USP25: variants seen among roughly 807,000 people sequenced by gnomAD.
USP25 encodes ubiquitin carboxyl-terminal hydrolase 25.
Under a neutral mutation model 158.5 loss-of-function variants are expected in USP25, and 85 were observed. The observed-to-expected ratio is 0.54, with a 90% CI of 0.45 to 0.64. The LOEUF (loss-of-function observed/expected upper bound fraction) is 0.64. USP25 is among the 30% of genes least tolerant of loss of function. The probability of loss-of-function intolerance (pLI) is 0.00; values close to 1 mark genes in which losing one functional copy is unlikely to be tolerated. For synonymous variants in USP25, 464 were observed against 460.4 expected (o/e 1.01, Z -0.10); for missense variants, 1,242 against 1,327.3 (o/e 0.94, Z 1.00).
rs755140971 is a variant in USP25, at chr21:15,780,806, G to C, written c.392+2779G>C. Among the ~76,000 whole-genome samples, 3 of 152,250 alleles carry C rather than the reference G, an allele frequency of 2.0e-5. No homozygotes were observed. The South Asian group carries it at 6.2e-4, about 32-fold the overall frequency. Reference sequence around the variant, plus strand: ...TTACTGAGGAAGCAGCTGTGAAGGGGAACTGTCTAAAGATGGTGTGTGAAA... The same window carrying C: ...TTACTGAGGAAGCAGCTGTGAAGGGCAACTGTCTAAAGATGGTGTGTGAAA... On this transcript the variant is annotated intron_variant, in intron 4 of 25. Transcript: ENST00000400183.
rs182510549 is a variant in USP25, at chr21:15,747,455, T to C, written c.46-15436T>C. On this transcript the variant is annotated intron_variant, in intron 1 of 25. Coordinates refer to ENST00000400183, the MANE Select transcript of USP25 (RefSeq NM_001283041.3). ...CTGTGATAAAGTTTAATTTATAAAT[T>C]AGGCACTATATAACTATATAGTACA... Among the ~76,000 whole-genome samples, 388 of 152,022 alleles carry C rather than the reference T, an allele frequency of 2.6e-3. 5 individuals carry two copies. Among genetic ancestry groups the C allele is most frequent in the Middle Eastern group, 0.01 (3 of 292 alleles).
chr21:15,785,495 A>C (rs1202250689), intron 4 of USP25, among the ~76,000 whole-genome samples: 1 of 152,214 alleles, frequency 6.6e-6, no homozygotes, highest in Non-Finnish European at 1.5e-5. Flanking sequence ...CAACTATATA[A>C]AGCTAGAAAT....
chr21:15,826,188 A>G lies in USP25; in HGVS notation c.1305-16A>G, dbSNP rs2037493562. ...TATATAGAAATAAAAGCATTTGTAC[A>G]TTTTATGATTAACAGATATTTAAGC... On this transcript the variant is annotated splice_polypyrimidine_tract_variant and intron_variant, in intron 12 of 25. Coordinates refer to ENST00000400183, the MANE Select transcript of USP25 (RefSeq NM_001283041.3). This position sits in a 1 kb window ranked among gnomAD's most constrained non-coding sequence, Gnocchi z 4.8. 5 of 1,612,916 alleles carry G rather than the reference A, an allele frequency of 3.1e-6. No individual in the cohort carries two copies. The South Asian group carries it at 4.4e-5, about 14-fold the overall frequency.
intron 10 of USP25, among the ~76,000 whole-genome samples, chr21:15,821,039 A>G (rs764532936): frequency 1.6e-4 from 25 of 152,088 alleles, no homozygotes; most frequent in Non-Finnish European, 2.7e-4. Context: ...GATGAGTCAG[A>G]CTCTCCAGGA....
intron 10 of USP25, among the ~76,000 whole-genome samples, chr21:15,822,957 G>A (rs2037307744): frequency 6.6e-6 from 1 of 151,974 alleles, no homozygotes; most frequent in South Asian, 2.1e-4. Flanking sequence ...AAATAGTATT[G>A]AATACCATTT....
chr21:15,834,360 CT>C (rs2037956854), intron 17 of USP25, among the ~76,000 whole-genome samples: 1 of 152,086 alleles, frequency 6.6e-6, no homozygotes, highest in South Asian at 2.1e-4. Context: ...CTCAGAGAAG[CT>C]ATAAATTAAG....
At chr21:15,832,048 A>G (rs1294631105) in intron 16 of USP25, among the ~76,000 whole-genome samples, 6 of 152,204 alleles carry the variant, frequency 3.9e-5, no homozygotes, top group Admixed American at 3.3e-4. Context: ...ACCATTTCAC[A>G]CATTTATGTT....
chr21:15,811,442 G>T (rs1242779404), intron 9 of USP25, among the ~76,000 whole-genome samples: 4 of 152,038 alleles, frequency 2.6e-5, no homozygotes, highest in Non-Finnish European at 1.5e-5. Flanking sequence ...TTATCCTCAT[G>T]TTTTTTCCAG....
Position 15,778,523 on chromosome 21 carries a change from G to A in USP25, c.392+496G>A, listed in dbSNP as rs138514928. Among the ~76,000 whole-genome samples, 381 of 152,162 alleles carry A rather than the reference G, an allele frequency of 2.5e-3. 2 individuals carry two copies. The highest frequency in any genetic ancestry group is 8.8e-3 in the African/African-American group (365 of 41,550). ...TCTTGATTTACAAAGGCAGCCAGTT[G>A]GTTTTGTCCTCTCGGCTGTGGTTTG... is the stretch of plus-strand genomic sequence containing the variant. On this transcript the variant is annotated intron_variant, in intron 4 of 25. Transcript: ENST00000400183.
At position 15,878,444 on chromosome 21, in the gene USP25, C is replaced by G; in HGVS notation, c.3347C>G (p.Ser1116Cys). Residue 1116 changes from serine to cysteine, a missense_variant, in exon 26 of 26, where the codon TCC (serine) becomes TGC (cysteine). Ser to Cys is a moderately radical substitution (Grantham distance 112). Coordinates refer to ENST00000400183, the MANE Select transcript of USP25 (RefSeq NM_001283041.3). ...GAGCGATTTGCCCGAATCATGTTGT[C>G]CCTCAGTCGAACTCCTGCTGATGGA... ...LCERFARIMLSLSRTPADGR is the reference protein window; with the variant it reads ...LCERFARIMLCLSRTPADGR The G allele has an allele frequency of 6.2e-7, 1 of 1,614,022 alleles. No individual in the cohort carries two copies. The highest frequency in any genetic ancestry group is 8.5e-7 in the Non-Finnish European group (1 of 1,179,898).
Position 15,878,622 on chromosome 21 carries a change from T to C in USP25, c.*147T>C. 1 of 766,362 alleles carries C rather than the reference T, an allele frequency of 1.3e-6. No individual in the cohort carries two copies. The highest frequency in any genetic ancestry group is 3.2e-5 in the South Asian group (1 of 31,030). 47.5% of individuals were successfully genotyped at this position (766,362 alleles called of 1,614,324 possible). On this transcript the variant is annotated 3_prime_UTR_variant, in exon 26 of 26. Coordinates refer to ENST00000400183, the MANE Select transcript of USP25 (RefSeq NM_001283041.3). ...AAAAGACAAAATGACTATACAGACT[T>C]TAGTCAGACTGCAGACAATAAAGCT...
chr21:15,769,398 T>C (rs1368436950), intron 3 of USP25, among the ~76,000 whole-genome samples: 6 of 152,136 alleles, frequency 3.9e-5, no homozygotes. Flanking sequence ...TCTGTTGAAT[T>C]CTGGAAAAAA....
intron 1 of USP25, among the ~76,000 whole-genome samples, chr21:15,736,401 C>A (rs2031520963): frequency 6.6e-6 from 1 of 152,084 alleles, no homozygotes; most frequent in South Asian, 2.1e-4. Context: ...TGGATTCAAT[C>A]CAAACTTGTG....
chr21:15,758,772 A>G (rs931257162), intron 1 of USP25, among the ~76,000 whole-genome samples: 1 of 152,154 alleles, frequency 6.6e-6, no homozygotes, highest in Non-Finnish European at 1.5e-5. Context: ...CAGGCAAGAG[A>G]GCATGTGCAG....
intron 12 of USP25, among the ~76,000 whole-genome samples, chr21:15,825,305 A>G (rs965202380): frequency 4.6e-5 from 7 of 152,190 alleles, no homozygotes; most frequent in African/African-American, 1.7e-4. Flanking sequence ...AATAGATACA[A>G]AGTTAAATGA....
chr21:15,859,205 T>C (rs2039302219), intron 20 of USP25, among the ~76,000 whole-genome samples: 1 of 150,070 alleles, frequency 6.7e-6, no homozygotes, highest in Non-Finnish European at 1.5e-5. Flanking sequence ...TTGTGTTTTT[T>C]TTTTTGAGAC....
intron 22 of USP25, 109 bp downstream of exon 22, chr21:15,866,453 A>T (rs553016072): frequency 7.1e-6 from 5 of 705,682 alleles, no homozygotes; most frequent in Admixed American, 6.8e-5. Flanking sequence ...AATGATGAGT[A>T]AAAAAATTAA....
At chr21:15,786,903 A>C (rs538315800) in intron 4 of USP25, among the ~76,000 whole-genome samples, 6 of 152,166 alleles carry the variant, frequency 3.9e-5, no homozygotes, top group Non-Finnish European at 8.8e-5. Context: ...TACAACTCAT[A>C]AGTGAATTCA....
In USP25 at chr21:15,875,813, C is replaced by CT. The variant is rs2146612036; in HGVS notation, c.3009+1287_3009+1288insT. 6.6e-6 allele frequency among the ~76,000 whole-genome samples: 1 copy of CT among 152,288 alleles called. No homozygotes were observed. The highest frequency in any genetic ancestry group is 2.4e-5 in the African/African-American group (1 of 41,550). ...TCAGATGATGAAGAAACTTAGATGACATTCAAATGAGTTTGCACCAGTGTA... is the reference window on the plus strand; with the variant it reads ...TCAGATGATGAAGAAACTTAGATGACTATTCAAATGAGTTTGCACCAGTGTA... On this transcript the variant is annotated intron_variant, in intron 24 of 25. Coordinates refer to ENST00000400183, the MANE Select transcript of USP25 (RefSeq NM_001283041.3). The surrounding 1 kb of genome is among the most constrained non-coding windows in gnomAD (Gnocchi z 4.7).
Sources: gnomAD v4.1 joint callset for allele counts (sites outside exome capture counted in the v4.1 genomes callset) on GRCh38, gnomAD v4.1.1 for gene constraint, Gnocchi (gnomAD v3.1) non-coding constraint, MANE v1.5 for transcripts, NCBI Gene and HGNC (gene_info 2026-07-23, HGNC 2026-07-21) for gene names.